Variants in FBXO25 observed in about 807,000 individuals in gnomAD.
The protein encoded by FBXO25 is F-box protein 25, also known as F-box only protein 25.
FBXO25 carries 45 observed loss-of-function variants against 51.9 expected under a neutral mutation model. The observed-to-expected ratio is 0.87, with a 90% CI of 0.68 to 1.11. The LOEUF is 1.11. FBXO25 is among the 50% of genes most tolerant of loss of function. FBXO25 has a pLI of 0.00. For missense variants in FBXO25, 507 were observed against 428.5 expected (o/e 1.18, Z -1.62); for synonymous variants, 199 against 151.0 (o/e 1.32, Z -2.33).
chr8:431,844 G>T (rs1381787382), intron 3 of FBXO25, among the ~76,000 whole-genome samples: 1 of 152,112 alleles, frequency 6.6e-6, no homozygotes, highest in East Asian at 1.9e-4. Context: ...AAGGCTGGAG[G>T]TGGGACCTAT....
chr8:453,871 C>A (rs1028093740), intron 7 of FBXO25, among the ~76,000 whole-genome samples: 1 of 152,142 alleles, frequency 6.6e-6, no homozygotes, highest in African/African-American at 2.4e-5. Flanking sequence ...ACCTGTAATC[C>A]CAGCCACTTT....
chr8:433,813 G>T (rs901972132), intron 4 of FBXO25, among the ~76,000 whole-genome samples: 2 of 152,192 alleles, frequency 1.3e-5, no homozygotes, highest in Admixed American at 6.5e-5. Context: ...CCAAGAAACT[G>T]AAGGATTAGA....
chr8:454,531 T>C (rs866115286), intron 7 of FBXO25, among the ~76,000 whole-genome samples: 3 of 152,198 alleles, frequency 2.0e-5, no homozygotes, highest in Non-Finnish European at 2.9e-5. Context: ...TGGGGTGTTA[T>C]AACAGATATG....
rs542826137 is a variant in FBXO25, at chr8:452,363, C to T, written c.660+910C>T. ...CTGTTGTTGTCTTGGTGTGACCCTA[C>T]AGTCATTCAAAGCTTTGCACAGGCT... On this transcript the variant is annotated intron_variant, in intron 7 of 9. Transcript: ENST00000350302. 2.6e-5 allele frequency among the ~76,000 whole-genome samples: 4 copies of T among 152,336 alleles called. No individual in the cohort carries two copies. In the East Asian group the frequency reaches 5.8e-4, roughly 22 times the overall value.
intron 2 of FBXO25, 23 bp downstream of exon 2, chr8:413,236 C>T: frequency 6.5e-7 from 1 of 1,544,918 alleles, no homozygotes; most frequent in African/African-American, 1.4e-5. Context: ...TGAGCAGAAC[C>T]ATGCCATTTG....
chr8:408,465 G>T (rs1020854290), intron 1 of FBXO25, among the ~76,000 whole-genome samples: 6 of 152,214 alleles, frequency 3.9e-5, no homozygotes, highest in African/African-American at 1.4e-4. Flanking sequence ...CAGCTCCACT[G>T]AACTCTTTGC....
intron 7 of FBXO25, among the ~76,000 whole-genome samples, chr8:457,356 A>G (rs1799511213): frequency 6.6e-6 from 1 of 152,198 alleles, no homozygotes. Context: ...TCAACCTCAG[A>G]GCAGAGTTTA....
chr8:428,836 C>G (rs1486781274), intron 2 of FBXO25, among the ~76,000 whole-genome samples: 1 of 152,200 alleles, frequency 6.6e-6, no homozygotes, highest in Non-Finnish European at 1.5e-5. Context: ...GTAACGTCCT[C>G]AAGTTTCAGC....
chr8:451,087 C>G, intron 6 of FBXO25, 182 bp from the exon 7 acceptor site: 1 of 543,224 alleles, frequency 1.8e-6, no homozygotes, highest in African/African-American at 1.9e-5. Context: ...AGGGTTCATC[C>G]ATGCTGAATA....
chr8:474,660 A>G lies in FBXO25; in HGVS notation c.*5856A>G, dbSNP rs1327408594. 2.3e-6 allele frequency: 1 copy of G among 444,296 alleles called. No homozygotes were observed. The highest frequency in any genetic ancestry group is 1.6e-5 in the South Asian group (1 of 61,356). 27.5% of individuals were successfully genotyped at this position (444,296 alleles called of 1,614,324 possible). A position where few individuals can be genotyped will look rare whatever the true frequency, so the allele number is the denominator to read the frequency against. On this transcript the variant is annotated 3_prime_UTR_variant, in exon 10 of 10. Transcript: ENST00000350302. The stretch of plus-strand genomic sequence containing the variant: ...CTGAGTATCTGTTTGTTGGCCGTTT[A>G]TATGTCGTCTTTGGAGAAATGTCTA...
intron 8 of FBXO25, among the ~76,000 whole-genome samples, chr8:461,536 G>T (rs1046467238): frequency 2.0e-5 from 3 of 152,150 alleles, no homozygotes; most frequent in African/African-American, 7.2e-5. Context: ...CCATGATTCA[G>T]TTACCTCCCA....
intron 1 of FBXO25, among the ~76,000 whole-genome samples, chr8:411,704 C>T (rs2117406794): frequency 6.6e-6 from 1 of 152,198 alleles, no homozygotes; most frequent in African/African-American, 2.4e-5. Flanking sequence ...TTTCAGACAG[C>T]CCTTACAACT....
At position 440,296 on chromosome 8, in the gene FBXO25, G is replaced by C. The variant is rs187082480; in HGVS notation, c.381+4589G>C. Among the ~76,000 whole-genome samples, 8 of 152,356 alleles carry C rather than the reference G, an allele frequency of 5.3e-5. No individual in the cohort carries two copies. The South Asian group carries it at 1.7e-3, about 32-fold the overall frequency. On this transcript the variant is annotated intron_variant, in intron 5 of 9. Coordinates refer to ENST00000350302, the MANE Select transcript of FBXO25 (RefSeq NM_183420.2). ...TCCATCATAGGAAGCTCTTGGAACA[G>C]TCTGTACTCTGTGTTAGCCACTATT...
rs972767272 is a variant in FBXO25, at chr8:468,815, T to C, written c.*11T>C. On this transcript the variant is annotated 3_prime_UTR_variant, in exon 10 of 10. Coordinates refer to ENST00000350302, the MANE Select transcript of FBXO25 (RefSeq NM_183420.2). The stretch of plus-strand genomic sequence containing the variant: ...CTCTTCAAGTTTTAAGGGCTGCCCC[T>C]GCCATCCCTATTGGAGATTGTGAAT... 9 of 1,612,846 alleles carry C rather than the reference T, an allele frequency of 5.6e-6. No homozygotes were observed. In the East Asian group the frequency reaches 2.0e-4, roughly 36 times the overall value.
At chr8:454,019 G>T (rs1799261700) in intron 7 of FBXO25, among the ~76,000 whole-genome samples, 4 of 152,162 alleles carry the variant, frequency 2.6e-5, no homozygotes, top group Admixed American at 2.6e-4. Flanking sequence ...AGCTACTCGG[G>T]AGGCTAAGGC....
intron 7 of FBXO25, 34 bp downstream of exon 7, chr8:451,487 C>G: frequency 7.6e-6 from 12 of 1,582,762 alleles, no homozygotes; most frequent in Non-Finnish European, 1.0e-5. Flanking sequence ...TTATTACACT[C>G]TGTTTTTATA....
intron 3 of FBXO25, 66 bp downstream of exon 3, chr8:431,510 A>G (rs1457472860): frequency 1.3e-6 from 1 of 789,954 alleles, no homozygotes; most frequent in Admixed American, 2.8e-5. Context: ...TTACTCTGAC[A>G]ATGCTATCTT....
At chr8:441,353 T>C (rs1308688442) in intron 5 of FBXO25, among the ~76,000 whole-genome samples, 1 of 152,176 alleles carries the variant, frequency 6.6e-6, no homozygotes, top group Non-Finnish European at 1.5e-5. Flanking sequence ...TACACCTTTA[T>C]ACAAAAATTA....
chr8:445,470 A>G (rs200638484), intron 5 of FBXO25, among the ~76,000 whole-genome samples: 1 of 152,240 alleles, frequency 6.6e-6, no homozygotes, highest in Non-Finnish European at 1.5e-5. Context: ...GAGGACCCCA[A>G]AGAGATTTTG....
Sources: allele counts gnomAD v4.1 joint callset (sites outside exome capture counted in the v4.1 genomes callset), GRCh38; gene constraint gnomAD v4.1.1; transcripts MANE v1.5; gene names NCBI Gene and HGNC (gene_info 2026-07-23, HGNC 2026-07-21).